DCAF5: variants seen among roughly 807,000 people sequenced by gnomAD.
DCAF5 encodes DDB1 and CUL4 associated factor 5, also known as DDB1- and CUL4-associated factor 5.
In DCAF5, 9 loss-of-function variants were observed where a neutral mutation model predicts 80.7. The observed-to-expected ratio is 0.11, with a 90% CI of 0.07 to 0.19. DCAF5 has a LOEUF of 0.19. Ranked by LOEUF, DCAF5 falls within the 10% of genes least tolerant of loss-of-function variation. The pLI is 1.00. For synonymous variants in DCAF5, 433 were observed against 461.9 expected (o/e 0.94, Z 0.80); for missense variants, 842 against 1,205.7 (o/e 0.70, Z 4.47).
chr14:69,063,108 G>C (rs76035513), intron 7 of DCAF5, among the ~76,000 whole-genome samples: 6,265 of 152,212 alleles, frequency 0.041, 157 homozygotes, highest in African/African-American at 0.073. Context: ...GAAAAATTTG[G>C]ATCACTTTCA....
intron 7 of DCAF5, among the ~76,000 whole-genome samples, chr14:69,069,388 G>A (rs564384364): frequency 9.2e-5 from 14 of 152,322 alleles, no homozygotes; most frequent in Admixed American, 7.8e-4. Context: ...GCCATTCCAG[G>A]TGGGTAGCAA....
chr14:69,085,538 C>T (rs2039283917), intron 6 of DCAF5: 1 of 257,388 alleles, frequency 3.9e-6, no homozygotes, highest in Non-Finnish European at 7.9e-6. Flanking sequence ...AACACTGTTA[C>T]TTCTATCAAG....
At chr14:69,082,053 T>C (rs1278293925) in intron 6 of DCAF5, among the ~76,000 whole-genome samples, 1 of 152,238 alleles carries the variant, frequency 6.6e-6, no homozygotes, top group South Asian at 2.1e-4. Context: ...CAGCTCTTAT[T>C]TTCCCCTGAC....
At chr14:69,078,285 G>A (rs567773350) in intron 6 of DCAF5, among the ~76,000 whole-genome samples, 2 of 152,208 alleles carry the variant, frequency 1.3e-5, no homozygotes, top group East Asian at 3.9e-4. Context: ...CACACAAAAA[G>A]ATGTTCAACA....
chr14:69,058,550 A>C (rs1388420182), intron 8 of DCAF5, among the ~76,000 whole-genome samples: 1 of 150,742 alleles, frequency 6.6e-6, no homozygotes, highest in Non-Finnish European at 1.5e-5. Flanking sequence ...ATATATATAT[A>C]TGGCTAGACA....
At chr14:69,131,057 G>A (rs2140092556) in intron 1 of DCAF5, among the ~76,000 whole-genome samples, 1 of 152,268 alleles carries the variant, frequency 6.6e-6, no homozygotes, top group East Asian at 1.9e-4. Context: ...TGTCCGTAAA[G>A]TATCATCCAT....
chr14:69,086,557 T>C (rs2039328506), intron 6 of DCAF5, among the ~76,000 whole-genome samples: 1 of 139,558 alleles, frequency 7.2e-6, no homozygotes, highest in Admixed American at 7.3e-5. Flanking sequence ...TTATTTCAGA[T>C]AAAGGAGAAC....
At chr14:69,122,109 T>C in intron 2 of DCAF5, 108 bp downstream of exon 2, 1 of 1,334,082 alleles carries the variant, frequency 7.5e-7, no homozygotes, top group Non-Finnish European at 1.0e-6. Flanking sequence ...AACCAGTAAT[T>C]CCACAGCTCA....
intron 1 of DCAF5, among the ~76,000 whole-genome samples, chr14:69,147,106 G>A (rs1297262371): frequency 6.6e-6 from 1 of 151,814 alleles, no homozygotes; most frequent in Admixed American, 6.6e-5. Context: ...CTAGTGACTG[G>A]GAAACAGGAA....
At position 69,055,770 on chromosome 14, in the gene DCAF5, G is replaced by A. The variant is rs1297619503; in HGVS notation, c.1075-159C>T. Among the ~76,000 whole-genome samples, 1 of 152,160 alleles carries A rather than the reference G, an allele frequency of 6.6e-6. No homozygotes were observed. The highest frequency in any genetic ancestry group is 2.4e-5 in the African/African-American group (1 of 41,426). ...TAAAAATAAGTTCTTTACCAGACTG[G>A]ATCATGTGGGTTATGTATGAAAACT... On this transcript the variant is annotated intron_variant, in intron 8 of 8. Coordinates refer to ENST00000341516, the MANE Select transcript of DCAF5 (RefSeq NM_003861.3). The surrounding 1 kb of genome is among the most constrained non-coding windows in gnomAD (Gnocchi z 5.6).
intron 1 of DCAF5, among the ~76,000 whole-genome samples, chr14:69,139,975 GAGA>G (rs2041315345): frequency 4.0e-5 from 6 of 151,790 alleles, no homozygotes; most frequent in African/African-American, 1.5e-4. Flanking sequence ...AAGAAGAAAA[GAGA>G]AGACAGAGAG....
chr14:69,059,591 G>T (rs549751200), intron 8 of DCAF5, among the ~76,000 whole-genome samples: 1 of 152,204 alleles, frequency 6.6e-6, no homozygotes, highest in African/African-American at 2.4e-5. Flanking sequence ...TCAGGATAAC[G>T]TAAGTGCAGG....
At chr14:69,140,259 T>C (rs772074971) in intron 1 of DCAF5, among the ~76,000 whole-genome samples, 36 of 150,936 alleles carry the variant, frequency 2.4e-4, no homozygotes, top group Non-Finnish European at 4.4e-4. Flanking sequence ...AGAATGAGAC[T>C]CTGTCTAAAA....
intron 6 of DCAF5, 94 bp from the exon 7 acceptor site, chr14:69,075,505 G>GC: frequency 1.4e-6 from 1 of 732,946 alleles, no homozygotes; most frequent in East Asian, 5.1e-5. Flanking sequence ...TTTTTGAGAT[G>GC]GAGTCTTGCT....
Position 69,054,077 on chromosome 14 carries a change from T to C in DCAF5, c.2609A>G (p.Asp870Gly). ...GAGTGTCCCTGTCAGGGACGAGTTA[T>C]CACGGTCAGTGTCTGAGTGTCCTGG... ...SSPGHSDTDRDNSSLTGTLLH... is the reference protein window; with the variant it reads ...SSPGHSDTDRGNSSLTGTLLH... The change falls in exon 9 of 9, where the codon GAT becomes GGT. Residue 870 changes from aspartate to glycine, a missense_variant. Transcript: ENST00000341516. The C allele has an allele frequency of 6.2e-7, 1 of 1,614,214 alleles. No individual in the cohort carries two copies. The highest frequency in any genetic ancestry group is 8.5e-7 in the Non-Finnish European group (1 of 1,180,018).
At chr14:69,120,831 T>C (rs1399967892) in intron 2 of DCAF5, among the ~76,000 whole-genome samples, 1 of 152,230 alleles carries the variant, frequency 6.6e-6, no homozygotes. Flanking sequence ...CAATTGGACT[T>C]GAGAACAGTC....
chr14:69,117,318 A>T (rs749444029), intron 4 of DCAF5, among the ~76,000 whole-genome samples: 10 of 152,188 alleles, frequency 6.6e-5, no homozygotes, highest in Non-Finnish European at 1.2e-4. Flanking sequence ...TTACCTGCCT[A>T]ACCCTAAAAA....
chr14:69,140,275 AGAGAG>A (rs2041326652), intron 1 of DCAF5, among the ~76,000 whole-genome samples: 1 of 150,712 alleles, frequency 6.6e-6, no homozygotes, highest in African/African-American at 2.4e-5. Flanking sequence ...TAAAAAAAAA[AGAGAG>A]AGAGAGAGAG....
intron 1 of DCAF5, among the ~76,000 whole-genome samples, chr14:69,141,852 C>A (rs2140115980): frequency 6.6e-6 from 1 of 152,302 alleles, no homozygotes; most frequent in South Asian, 2.1e-4. Flanking sequence ...TCCTCAGATG[C>A]CATTTTCTCA....
Sources: allele counts gnomAD v4.1 joint callset (sites outside exome capture counted in the v4.1 genomes callset), GRCh38; gene constraint gnomAD v4.1.1; non-coding constraint Gnocchi (gnomAD v3.1); transcripts MANE v1.5; gene names NCBI Gene and HGNC (gene_info 2026-07-23, HGNC 2026-07-21).